GPR158: variants seen among roughly 807,000 people sequenced by gnomAD.
The protein encoded by GPR158 is metabotropic glycine receptor.
Under a neutral mutation model 78.2 loss-of-function variants are expected in GPR158, and 30 were observed. That is an observed-to-expected ratio of 0.38 (90% confidence interval 0.29 to 0.52). The LOEUF (loss-of-function observed/expected upper bound fraction) is 0.52, where lower values mean the gene tolerates loss of function less well. GPR158 is among the 20% of genes least tolerant of loss of function. The pLI is 0.83. For missense variants in GPR158, 1,463 were observed against 1,523.5 expected, an observed-to-expected ratio of 0.96 and a Z score of 0.66; for synonymous variants, 581 against 591.1, an observed-to-expected ratio of 0.98 and a Z score of 0.25.
intron 4 of GPR158, among the ~76,000 whole-genome samples, chr10:25,436,397 T>C (rs940764023): frequency 6.6e-6 from 1 of 152,178 alleles, no homozygotes; most frequent in African/African-American, 2.4e-5. Flanking sequence ...ATGAGGGTCA[T>C]GAGCATTAAA....
intron 2 of GPR158, among the ~76,000 whole-genome samples, chr10:25,363,820 A>G (rs562312227): frequency 7.2e-5 from 11 of 151,964 alleles, no homozygotes; most frequent in Admixed American, 2.0e-4. Context: ...CTCAGGTTAC[A>G]TGACCCTCAG....
intron 8 of GPR158, among the ~76,000 whole-genome samples, chr10:25,592,562 CA>C (rs1408797009): frequency 6.6e-6 from 1 of 151,996 alleles, no homozygotes; most frequent in East Asian, 1.9e-4. Context: ...GTCAGAATTG[CA>C]ACCTTAAAAA....
rs1837500283 is a variant in GPR158, at chr10:25,601,617, C to T, written c.*2343C>T. On this transcript the variant is annotated 3_prime_UTR_variant, in exon 11 of 11. Coordinates refer to ENST00000376351, the MANE Select transcript of GPR158 (RefSeq NM_020752.3). ...CTATAGTTCATAGATTATTCTCCAC[C>T]AGCATAAATCAGTGAGAGTGCCTAG... 6.6e-6 allele frequency: 1 copy of T among 152,582 alleles called. No individual in the cohort carries two copies. 9.5% of individuals were successfully genotyped at this position (152,582 alleles called of 1,614,324 possible).
chr10:25,422,789 T>G (rs1834768452), intron 4 of GPR158, among the ~76,000 whole-genome samples: 1 of 151,884 alleles, frequency 6.6e-6, no homozygotes, highest in African/African-American at 2.4e-5. Context: ...TTCTGAGATT[T>G]TGGTGCACCC....
chr10:25,417,803 C>G (rs569709068), intron 4 of GPR158, among the ~76,000 whole-genome samples: 1 of 152,272 alleles, frequency 6.6e-6, no homozygotes, highest in African/African-American at 2.4e-5. Flanking sequence ...CCAGGAAACA[C>G]CTGGTTAGGG....
chr10:25,290,826 T>C (rs1854424788), intron 2 of GPR158, among the ~76,000 whole-genome samples: 2 of 152,120 alleles, frequency 1.3e-5, no homozygotes, highest in South Asian at 4.1e-4. Context: ...TTTTCAAATA[T>C]TTAATTAAAA....
At chr10:25,483,950 G>A (rs1046634146) in intron 5 of GPR158, among the ~76,000 whole-genome samples, 1 of 152,142 alleles carries the variant, frequency 6.6e-6, no homozygotes, top group Non-Finnish European at 1.5e-5. Flanking sequence ...TTATACACAT[G>A]CAGCACACAG....
chr10:25,232,245 G>A (rs1241863034), intron 2 of GPR158, among the ~76,000 whole-genome samples: 1 of 152,112 alleles, frequency 6.6e-6, no homozygotes, highest in Non-Finnish European at 1.5e-5. Flanking sequence ...GAGTGCCTGA[G>A]GGTGACTTTT....
chr10:25,437,901 A>G (rs139679378), intron 4 of GPR158, among the ~76,000 whole-genome samples: 1 of 152,214 alleles, frequency 6.6e-6, no homozygotes, highest in Non-Finnish European at 1.5e-5. Context: ...TAATGATGGG[A>G]GCTTATTTAT....
At chr10:25,582,304 A>G (rs1196404999) in intron 7 of GPR158, among the ~76,000 whole-genome samples, 2 of 151,710 alleles carry the variant, frequency 1.3e-5, no homozygotes, top group Non-Finnish European at 2.9e-5. Context: ...TCATGTCCCC[A>G]CTCTTTAATG....
At chr10:25,359,035 T>C (rs1855591797) in intron 2 of GPR158, among the ~76,000 whole-genome samples, 1 of 152,034 alleles carries the variant, frequency 6.6e-6, no homozygotes, top group Non-Finnish European at 1.5e-5. Context: ...GTCTACTTAT[T>C]CTATCCATTA....
chr10:25,377,671 T>G (rs1436643532), intron 2 of GPR158, among the ~76,000 whole-genome samples: 3 of 152,056 alleles, frequency 2.0e-5, no homozygotes, highest in Non-Finnish European at 4.4e-5. Context: ...CTAGCGTACT[T>G]TTTTGAGATT....
intron 2 of GPR158, among the ~76,000 whole-genome samples, chr10:25,272,603 A>G (rs879623561): frequency 2.6e-5 from 4 of 152,214 alleles, no homozygotes; most frequent in Non-Finnish European, 4.4e-5. Context: ...TTACCTTCTG[A>G]GAATGTTTAT....
intron 3 of GPR158, among the ~76,000 whole-genome samples, chr10:25,396,897 C>A (rs1432910130): frequency 6.6e-6 from 1 of 152,150 alleles, no homozygotes; most frequent in Non-Finnish European, 1.5e-5. Flanking sequence ...CAGTTCCTTG[C>A]ATTTGTAGGC....
intron 2 of GPR158, among the ~76,000 whole-genome samples, chr10:25,249,860 T>C (rs1455240704): frequency 6.8e-6 from 1 of 146,628 alleles, no homozygotes; most frequent in African/African-American, 2.5e-5. Context: ...TCTTTTTCTA[T>C]TGATTGGAAT....
chr10:25,595,169 G>T (rs1049450536), intron 9 of GPR158, among the ~76,000 whole-genome samples: 2 of 152,040 alleles, frequency 1.3e-5, no homozygotes, highest in African/African-American at 4.8e-5. Flanking sequence ...CCAGAATTAT[G>T]ATTTCTTGTC....
Position 25,197,886 on chromosome 10 carries a change from T to C in GPR158, c.902+21564T>C, listed in dbSNP as rs1404992190. On this transcript the variant is annotated intron_variant, in intron 1 of 10. Transcript: ENST00000376351. The stretch of plus-strand genomic sequence containing the variant: ...TTGCACTGGGTTCCCTGACAAGAAA[T>C]TGTCTCATCCTATTCAGAAATGGTC... 2.0e-5 allele frequency among the ~76,000 whole-genome samples: 3 copies of C among 152,160 alleles called. No homozygotes were observed. In the East Asian group the frequency reaches 5.8e-4, roughly 29 times the overall value.
At chr10:25,191,074 A>G (rs747747774) in intron 1 of GPR158, among the ~76,000 whole-genome samples, 5 of 152,244 alleles carry the variant, frequency 3.3e-5, no homozygotes, top group Non-Finnish European at 5.9e-5. Context: ...CAGTCCCCTG[A>G]AAGTTATTTA....
intron 4 of GPR158, among the ~76,000 whole-genome samples, chr10:25,423,330 T>C (rs1834779355): frequency 6.6e-6 from 1 of 152,090 alleles, no homozygotes; most frequent in East Asian, 1.9e-4. Flanking sequence ...TGACTTCTTT[T>C]CTTCTGGGTA....
Sources: gnomAD v4.1 joint callset for allele counts (sites outside exome capture counted in the v4.1 genomes callset) on GRCh38, gnomAD v4.1.1 for gene constraint, MANE v1.5 for transcripts, NCBI Gene and HGNC (gene_info 2026-07-23, HGNC 2026-07-21) for gene names.